The following MAST4 variants were observed in gnomAD, a reference collection of about 807,000 sequenced individuals.
MAST4 encodes microtubule associated serine/threonine kinase family member 4, also known as microtubule-associated serine/threonine-protein kinase 4.
Under a neutral mutation model 162.7 loss-of-function variants are expected in MAST4, and 89 were observed. The observed-to-expected ratio is 0.55, with a 90% confidence interval of 0.46 to 0.65. MAST4 has a LOEUF of 0.65. MAST4 is among the 30% of genes least tolerant of loss of function. MAST4 has a pLI of 0.00. For synonymous variants in MAST4, 1,479 were observed against 1,361.1 expected, an observed-to-expected ratio of 1.09 and a Z score of -1.91; for missense variants, 3,153 against 3,374.0, an observed-to-expected ratio of 0.93 and a Z score of 1.62.
rs1746086597 is a variant in MAST4, at chr5:66,649,669, A to T, written c.363+52651A>T. On this transcript the variant is annotated intron_variant, in intron 1 of 28. Transcript: ENST00000403625. ...CACATCCTCTCCTGTGTGCTTCTGT[A>T]ACACCCTGCCTTTGTTCTTTCTGCT... 2.0e-5 allele frequency among the ~76,000 whole-genome samples: 3 copies of T among 152,204 alleles called. No individual in the cohort carries two copies. In the South Asian group the frequency reaches 6.2e-4, roughly 32 times the overall value.
chr5:66,958,568 G>C (rs980125664), intron 4 of MAST4, among the ~76,000 whole-genome samples: 1 of 152,134 alleles, frequency 6.6e-6, no homozygotes, highest in Non-Finnish European at 1.5e-5. Context: ...TCCTATCATC[G>C]GGTTTGCCTG....
At chr5:66,844,892 A>G (rs951349508) in intron 3 of MAST4, among the ~76,000 whole-genome samples, 1 of 151,748 alleles carries the variant, frequency 6.6e-6, no homozygotes, top group Non-Finnish European at 1.5e-5. Context: ...GAAAGATCCA[A>G]TAGATAAGAA....
chr5:66,832,450 C>A (rs1199373153), intron 3 of MAST4, among the ~76,000 whole-genome samples: 1 of 152,012 alleles, frequency 6.6e-6, no homozygotes, highest in African/African-American at 2.4e-5. Context: ...GCCCTTCCCA[C>A]CTTATTTAAA....
chr5:66,905,297 T>A (rs953876227), intron 4 of MAST4, among the ~76,000 whole-genome samples: 84 of 109,160 alleles, frequency 7.7e-4, no homozygotes, highest in Non-Finnish European at 9.4e-4. Flanking sequence ...AGTGAAACTC[T>A]GTCTCAAAAA....
rs80197345 is a variant in MAST4, at chr5:67,124,474, G to A, written c.1745+3372G>A. Among the ~76,000 whole-genome samples the A allele has an allele frequency of 6.5e-3, 991 of 152,178 alleles. 8 individuals are homozygous for A. Among genetic ancestry groups the A allele is most frequent in the Middle Eastern group, 0.024 (7 of 294 alleles). Reference sequence around the variant, plus strand: ...GCACATTTGGAACATCAACTTAAAAGAGAAAAGGTGTATGTGAGAGACAAC... The same window carrying A: ...GCACATTTGGAACATCAACTTAAAAAAGAAAAGGTGTATGTGAGAGACAAC... On this transcript the variant is annotated intron_variant, in intron 14 of 28. Transcript: ENST00000403625.
chr5:67,162,087 G>A (rs1463091979), intron 27 of MAST4, among the ~76,000 whole-genome samples: 2 of 152,126 alleles, frequency 1.3e-5, no homozygotes, highest in Non-Finnish European at 2.9e-5. Context: ...CTATGTCGTT[G>A]TACAGCCTGC....
intron 4 of MAST4, among the ~76,000 whole-genome samples, chr5:66,943,727 T>C (rs1232266654): frequency 6.6e-6 from 1 of 150,382 alleles, no homozygotes; most frequent in Admixed American, 6.6e-5. Context: ...ATTACAGTGC[T>C]GGGAAATGTG....
intron 3 of MAST4, among the ~76,000 whole-genome samples, chr5:66,867,614 C>T (rs1760625042): frequency 1.3e-5 from 2 of 152,214 alleles, no homozygotes; most frequent in Non-Finnish European, 2.9e-5. Flanking sequence ...AGTTTATTTA[C>T]ATAACTGAGA....
At chr5:66,633,193 A>G (rs1744897967) in intron 1 of MAST4, among the ~76,000 whole-genome samples, 2 of 152,210 alleles carry the variant, frequency 1.3e-5, no homozygotes, top group African/African-American at 4.8e-5. Flanking sequence ...CTTGTGTCTG[A>G]AAAGACCTTC....
intron 23 of MAST4, 40 bp downstream of exon 23, chr5:67,145,419 C>T: frequency 6.4e-7 from 1 of 1,555,510 alleles, no homozygotes; most frequent in Non-Finnish European, 8.8e-7. Context: ...CTCCTCACCA[C>T]ACTAAGTGTC....
At chr5:66,635,944 C>CTTT (rs1487534344) in intron 1 of MAST4, among the ~76,000 whole-genome samples, 23 of 88,182 alleles carry the variant, frequency 2.6e-4, no homozygotes, top group African/African-American at 9.6e-4. Flanking sequence ...AAGATAGAGA[C>CTTT]TGTTTTTTTT....
At position 66,617,666 on chromosome 5, in the gene MAST4, C is replaced by T. The variant is rs549980478; in HGVS notation, c.363+20648C>T. On this transcript the variant is annotated intron_variant, in intron 1 of 28. Transcript: ENST00000403625. ...CTAAACTTTGGGACAGTCTGTAGCA[C>T]CCAGTAGATAACCATACCCTTTGTT... Among the ~76,000 whole-genome samples, 3 of 152,168 alleles carry T rather than the reference C, an allele frequency of 2.0e-5. No homozygotes were observed. The South Asian group carries it at 6.2e-4, about 32-fold the overall frequency.
intron 1 of MAST4, among the ~76,000 whole-genome samples, chr5:66,692,248 T>C (rs1415169324): frequency 6.6e-6 from 1 of 152,146 alleles, no homozygotes; most frequent in Non-Finnish European, 1.5e-5. Flanking sequence ...TATAAGAACA[T>C]TTAACCTCAG....
chr5:66,663,401 TA>T (rs1301139054), intron 1 of MAST4, among the ~76,000 whole-genome samples: 2 of 152,078 alleles, frequency 1.3e-5, no homozygotes, highest in African/African-American at 2.4e-5. Context: ...AAACTTAATT[TA>T]AAAAATCGAT....
chr5:67,047,743 T>G (rs1014446478), intron 4 of MAST4, among the ~76,000 whole-genome samples: 1 of 152,194 alleles, frequency 6.6e-6, no homozygotes, highest in African/African-American at 2.4e-5. Flanking sequence ...GGAGCTCTGA[T>G]TTCATGGGCC....
At chr5:67,068,546 T>C (rs1474816264) in intron 5 of MAST4, among the ~76,000 whole-genome samples, 1 of 152,004 alleles carries the variant, frequency 6.6e-6, no homozygotes, top group Admixed American at 6.5e-5. Context: ...TCCCACAACA[T>C]GTGGGGATTA....
chr5:66,818,787 C>G (rs1756855280), intron 3 of MAST4, among the ~76,000 whole-genome samples: 1 of 152,196 alleles, frequency 6.6e-6, no homozygotes, highest in Admixed American at 6.5e-5. Context: ...TGGCGGCCAC[C>G]TGGGCCCTTC....
chr5:66,718,343 A>G (rs1407565097), intron 1 of MAST4, among the ~76,000 whole-genome samples: 1 of 151,642 alleles, frequency 6.6e-6, no homozygotes, highest in Admixed American at 6.6e-5. Flanking sequence ...CTTGCTCCTT[A>G]GACACACGGC....
At chr5:67,152,937 A>G in intron 25 of MAST4, 71 bp downstream of exon 25, 1 of 1,224,932 alleles carries the variant, frequency 8.2e-7, no homozygotes, top group Non-Finnish European at 1.2e-6. Context: ...AGGTTGGCTG[A>G]TAAATAGCAA....
Sources: gnomAD v4.1 joint callset for allele counts (sites outside exome capture counted in the v4.1 genomes callset) on GRCh38, gnomAD v4.1.1 for gene constraint, MANE v1.5 for transcripts, NCBI Gene and HGNC (gene_info 2026-07-23, HGNC 2026-07-21) for gene names.